CMSS1: variants seen among roughly 807,000 people sequenced by gnomAD.
CMSS1 encodes the protein protein CMSS1.
CMSS1 carries 33 observed loss-of-function variants against 43.5 expected under a neutral mutation model. The observed-to-expected ratio is 0.76, with a 90% CI of 0.57 to 1.01. The LOEUF (loss-of-function observed/expected upper bound fraction) is 1.01. CMSS1 is among the 50% of genes least tolerant of loss of function. The probability of loss-of-function intolerance (pLI) is 0.00; values close to 1 mark genes in which losing one functional copy is unlikely to be tolerated. For missense variants in CMSS1, 313 were observed against 326.4 expected, an observed-to-expected ratio of 0.96 and a Z score of 0.32; for synonymous variants, 115 against 117.2, an observed-to-expected ratio of 0.98 and a Z score of 0.12.
At chr3:100,157,563 C>G (rs2066986523) in intron 2 of CMSS1, among the ~76,000 whole-genome samples, 1 of 152,192 alleles carries the variant, frequency 6.6e-6, no homozygotes, top group Non-Finnish European at 1.5e-5. Context: ...CCAAACGTCA[C>G]TCTCTGATGG....
intron 2 of CMSS1, among the ~76,000 whole-genome samples, chr3:100,151,457 C>T (rs1212623502): frequency 6.6e-6 from 1 of 152,160 alleles, no homozygotes; most frequent in African/African-American, 2.4e-5. Flanking sequence ...TGGATGCCGG[C>T]ACGTCTCAAT....
intron 1 of CMSS1, chr3:100,114,892 G>T: frequency 7.5e-7 from 1 of 1,332,020 alleles, no homozygotes; most frequent in Non-Finnish European, 1.0e-6. Context: ...TATTATTAAC[G>T]CTGTGTTGGA....
intron 1 of CMSS1, among the ~76,000 whole-genome samples, chr3:99,896,536 C>T (rs571505751): frequency 2.8e-4 from 43 of 152,080 alleles, no homozygotes; most frequent in African/African-American, 8.4e-4. Context: ...CAAAAGAGAA[C>T]GTAGTCAGGA....
At chr3:99,824,730 A>G (rs1942506377) in intron 1 of CMSS1, among the ~76,000 whole-genome samples, 1 of 152,220 alleles carries the variant, frequency 6.6e-6, no homozygotes, top group Admixed American at 6.5e-5. Context: ...TGTGTCTAAC[A>G]TTTTATTGTA....
chr3:99,825,407 AAG>A (rs1942518137), intron 1 of CMSS1, among the ~76,000 whole-genome samples: 1 of 152,188 alleles, frequency 6.6e-6, no homozygotes, highest in African/African-American at 2.4e-5. Context: ...GGAAAGAAGA[AAG>A]AGGAGGGAGA....
At chr3:99,987,240 A>G (rs1709368583) in intron 1 of CMSS1, among the ~76,000 whole-genome samples, 1 of 150,766 alleles carries the variant, frequency 6.6e-6, no homozygotes, top group South Asian at 2.1e-4. Flanking sequence ...TAAGGGGAAA[A>G]AAAAAAGGCC....
chr3:100,049,708 G>A (rs576060833), intron 1 of CMSS1, among the ~76,000 whole-genome samples: 1 of 152,208 alleles, frequency 6.6e-6, no homozygotes, highest in South Asian at 2.1e-4. Context: ...ATAATGAATA[G>A]TAAATATATT....
Position 100,117,838 on chromosome 3 carries a change from TATATATATATATATAC to T in CMSS1, c.65-29119_65-29104del, listed in dbSNP as rs1235542987. 3.5e-3 allele frequency among the ~76,000 whole-genome samples: 332 copies of T among 96,176 alleles called. 2 individuals are homozygous for T. The highest frequency in any genetic ancestry group is 5.2e-3 in the Non-Finnish European group (249 of 48,308). The allele number at this position is 96,176 out of a possible 152,430, so 63.1% of individuals were successfully genotyped here. A position where few individuals can be genotyped will look rare whatever the true frequency, so the allele number is the denominator to read the frequency against. On this transcript the variant is annotated intron_variant, in intron 1 of 9. Coordinates refer to ENST00000421999, the MANE Select transcript of CMSS1 (RefSeq NM_032359.4). ...AGATAAACTGCAGTATATATATATA[TATATATATATATATAC>T]ATATATATATATATATATATATATA...
intron 1 of CMSS1, among the ~76,000 whole-genome samples, chr3:100,043,698 G>A (rs909279364): frequency 2.0e-5 from 3 of 152,148 alleles, no homozygotes; most frequent in Admixed American, 6.5e-5. Flanking sequence ...ACAAAAAATT[G>A]TGTATATTTA....
At chr3:100,045,748 C>T (rs564254862) in intron 1 of CMSS1, among the ~76,000 whole-genome samples, 10 of 152,330 alleles carry the variant, frequency 6.6e-5, no homozygotes, top group African/African-American at 1.7e-4. Flanking sequence ...CATTTCCAGA[C>T]GGCAGCTTTG....
chr3:100,116,628 G>A (rs117961849), intron 1 of CMSS1, among the ~76,000 whole-genome samples: 21 of 152,250 alleles, frequency 1.4e-4, no homozygotes, highest in Middle Eastern at 3.4e-3. Flanking sequence ...AAACACACAC[G>A]CGCGCCTATA....
intron 4 of CMSS1, among the ~76,000 whole-genome samples, chr3:100,163,905 AT>A (rs138821642): frequency 0.047 from 7,158 of 152,270 alleles, 256 homozygotes; most frequent in Non-Finnish European, 0.066. Context: ...TCCGTTTTCC[AT>A]TACAACTTTA....
intron 1 of CMSS1, among the ~76,000 whole-genome samples, chr3:100,031,688 G>A (rs1370054680): frequency 6.6e-6 from 1 of 152,044 alleles, no homozygotes; most frequent in Non-Finnish European, 1.5e-5. Context: ...TTCCTTCTAA[G>A]GCTGAGGATC....
chr3:99,927,130 A>G (rs1707317587), intron 1 of CMSS1, among the ~76,000 whole-genome samples: 1 of 152,182 alleles, frequency 6.6e-6, no homozygotes, highest in Admixed American at 6.5e-5. Flanking sequence ...TGGTGCTTCA[A>G]GACTGCTTTT....
intron 1 of CMSS1, chr3:99,850,977 G>C (rs1446965595): frequency 3.1e-6 from 5 of 1,613,906 alleles, no homozygotes; most frequent in Admixed American, 3.3e-5. Flanking sequence ...ACTTCAGCTT[G>C]GTCAGCTCCT....
At chr3:99,880,621 C>G (rs113634580) in intron 1 of CMSS1, among the ~76,000 whole-genome samples, 6,018 of 152,170 alleles carry the variant, frequency 0.04, 150 homozygotes, top group Non-Finnish European at 0.062. Context: ...GTTATTAAAA[C>G]ATTAAAATGA....
At chr3:99,931,484 G>T (rs1300330097) in intron 1 of CMSS1, among the ~76,000 whole-genome samples, 3 of 152,152 alleles carry the variant, frequency 2.0e-5, no homozygotes, top group East Asian at 1.9e-4. Flanking sequence ...CTTTTATGGG[G>T]TTTTTTGTTT....
chr3:99,882,575 C>G (rs1475010878), intron 1 of CMSS1, among the ~76,000 whole-genome samples: 1 of 152,162 alleles, frequency 6.6e-6, no homozygotes, highest in East Asian at 1.9e-4. Flanking sequence ...CTTATTGCCA[C>G]TCTCTGTTCC....
chr3:100,172,910 A>G (rs2067121898), intron 8 of CMSS1, among the ~76,000 whole-genome samples: 1 of 152,228 alleles, frequency 6.6e-6, no homozygotes, highest in African/African-American at 2.4e-5. Context: ...TAGTTTGCCA[A>G]CTTTCTCAAA....
Sources: allele counts gnomAD v4.1 joint callset (sites outside exome capture counted in the v4.1 genomes callset), GRCh38; gene constraint gnomAD v4.1.1; transcripts MANE v1.5; gene names NCBI Gene and HGNC (gene_info 2026-07-23, HGNC 2026-07-21).